Variants in FLVCR2 observed in about 807,000 individuals in gnomAD.
FLVCR2 encodes the protein choline/ethanolamine transporter FLVCR2.
In FLVCR2, 38 loss-of-function variants were observed where a neutral mutation model predicts 48.9. The ratio of observed to expected loss-of-function variants is 0.78; its 90% CI spans 0.60 to 1.02. The LOEUF (loss-of-function observed/expected upper bound fraction) is 1.02, where lower values mean the gene tolerates loss of function less well. Ranked by LOEUF, FLVCR2 falls within the 50% of genes least tolerant of loss-of-function variation. FLVCR2 has a pLI of 0.00. For missense variants in FLVCR2, 664 were observed against 663.3 expected (o/e 1.00, Z -0.01); for synonymous variants, 255 against 257.0 (o/e 0.99, Z 0.07).
intron 8 of FLVCR2, 137 bp downstream of exon 8, chr14:75,641,430 G>A (rs1594817164): frequency 1.4e-6 from 1 of 711,862 alleles, no homozygotes; most frequent in East Asian, 2.7e-5. Flanking sequence ...TTGGGAGGCA[G>A]CACATTGTTT....
chr14:75,591,588 C>G (rs1202336226), intron 1 of FLVCR2, among the ~76,000 whole-genome samples: 1 of 152,224 alleles, frequency 6.6e-6, no homozygotes, highest in Non-Finnish European at 1.5e-5. Flanking sequence ...AGGCTGAGGT[C>G]ACATGCTGCC....
rs1206009259 is a variant in FLVCR2 at position 75,578,910 on chromosome 14, A to G, written c.-63A>G. The G allele has an allele frequency of 6.8e-7, 1 of 1,470,600 alleles. No homozygotes were observed. The highest frequency in any genetic ancestry group is 9.5e-7 in the Non-Finnish European group (1 of 1,050,316). The allele number at this position is 1,470,600 out of a possible 1,614,324, so 91.1% of individuals were successfully genotyped here. ...CAACTCTAAGAGACCAGCAGAGGCC[A>G]CTGTCCCTTAAGACTGCCGGAGTCC... is the stretch of plus-strand genomic sequence containing the variant. On this transcript the variant is annotated 5_prime_UTR_variant, in exon 1 of 10. Transcript: ENST00000238667.
At chr14:75,640,498 G>T (rs1890285259) in intron 6 of FLVCR2, among the ~76,000 whole-genome samples, 1 of 151,964 alleles carries the variant, frequency 6.6e-6, no homozygotes, top group African/African-American at 2.4e-5. Context: ...GTCCTCAGCT[G>T]GTTCCTCTCT....
intron 1 of FLVCR2, among the ~76,000 whole-genome samples, chr14:75,589,502 C>G (rs1161975787): frequency 6.6e-6 from 1 of 152,188 alleles, no homozygotes; most frequent in Non-Finnish European, 1.5e-5. Flanking sequence ...CTCAGTCCAC[C>G]CAGCAGCTCT....
chr14:75,595,793 A>G (rs1050900346), intron 1 of FLVCR2: 5 of 770,856 alleles, frequency 6.5e-6, no homozygotes, highest in Admixed American at 1.8e-5. Flanking sequence ...AGATTACACC[A>G]TTGCAGCACC....
chr14:75,597,770 A>T (rs974850969), intron 1 of FLVCR2, among the ~76,000 whole-genome samples: 2 of 152,096 alleles, frequency 1.3e-5, no homozygotes, highest in African/African-American at 4.8e-5. Context: ...GGGTTTCACC[A>T]TGTCGGCCAG....
rs888800606 is a variant in FLVCR2, at chr14:75,638,457, AAAAAG to A, written c.1125-885_1125-881del. On this transcript the variant is annotated intron_variant, in intron 5 of 9. Coordinates refer to ENST00000238667, the MANE Select transcript of FLVCR2 (RefSeq NM_017791.3). The stretch of plus-strand genomic sequence containing the variant: ...CATCTCAAAAAAAGGACAAAAGAAA[AAAAAG>A]AAAAGAAAAAGCTTTGCTGGGTCTG... Among the ~76,000 whole-genome samples the A allele has an allele frequency of 4.6e-5, 7 of 152,262 alleles. No homozygotes were observed. In the South Asian group the frequency reaches 1.5e-3, roughly 32 times the overall value.
intron 4 of FLVCR2, 98 bp downstream of exon 4, chr14:75,633,794 C>A (rs1438979884): frequency 2.2e-6 from 2 of 923,422 alleles, no homozygotes; most frequent in South Asian, 1.3e-5. Context: ...TCATTCCCCC[C>A]AGTTCTAGGT....
chr14:75,642,741 A>G (rs1232657033), intron 9 of FLVCR2, among the ~76,000 whole-genome samples: 1 of 152,254 alleles, frequency 6.6e-6, no homozygotes, highest in Non-Finnish European at 1.5e-5. Context: ...GCATGTCTGT[A>G]TCCACTTATA....
chr14:75,591,744 G>C (rs1271921716), intron 1 of FLVCR2, among the ~76,000 whole-genome samples: 2 of 151,258 alleles, frequency 1.3e-5, no homozygotes, highest in Non-Finnish European at 2.9e-5. Context: ...GGCTGTCTGT[G>C]GTGGCTCCCC....
At chr14:75,633,568 G>T in intron 3 of FLVCR2, 61 bp from the exon 4 acceptor site, 1 of 1,340,980 alleles carries the variant, frequency 7.5e-7, no homozygotes, top group Non-Finnish European at 1.1e-6. Flanking sequence ...TGGGGGAGAA[G>T]TTAGCAATGG....
At chr14:75,611,859 A>G (rs10131335) in intron 1 of FLVCR2, among the ~76,000 whole-genome samples, 8,513 of 152,298 alleles carry the variant, frequency 0.056, 810 homozygotes, top group African/African-American at 0.2. Context: ...AGCCTTTAGC[A>G]TGCTGTCTAA....
intron 5 of FLVCR2, among the ~76,000 whole-genome samples, chr14:75,636,295 T>C (rs1566796477): frequency 6.6e-6 from 1 of 152,164 alleles, no homozygotes; most frequent in Non-Finnish European, 1.5e-5. Flanking sequence ...AAAGGCCAAT[T>C]GAGACCATCC....
Position 75,605,618 on chromosome 14 carries a change from A to G in FLVCR2, c.670-16461A>G, listed in dbSNP as rs755611577. On this transcript the variant is annotated intron_variant, in intron 1 of 9. Coordinates refer to ENST00000238667, the MANE Select transcript of FLVCR2 (RefSeq NM_017791.3). ...CCATCTGTGTTTGTAGAAGCGTGAGACAGGAGGTGAGGATAGATCTTACTT... is the reference window on the plus strand; with the variant it reads ...CCATCTGTGTTTGTAGAAGCGTGAGGCAGGAGGTGAGGATAGATCTTACTT... 7 of 1,535,964 alleles carry G rather than the reference A, an allele frequency of 4.6e-6. No homozygotes were observed. In the African/African-American group the frequency reaches 9.6e-5, roughly 21 times the overall value.
At chr14:75,584,673 C>G (rs1222126149) in intron 1 of FLVCR2, among the ~76,000 whole-genome samples, 1 of 152,212 alleles carries the variant, frequency 6.6e-6, no homozygotes, top group African/African-American at 2.4e-5. Flanking sequence ...TCTAATGCTT[C>G]CTGGAGGTCT....
intron 9 of FLVCR2, 121 bp downstream of exon 9, chr14:75,642,019 C>T: frequency 1.2e-6 from 1 of 857,420 alleles, no homozygotes; most frequent in Non-Finnish European, 2.0e-6. Flanking sequence ...AGCTGGGAGA[C>T]CAGTTCATCC....
intron 1 of FLVCR2, among the ~76,000 whole-genome samples, chr14:75,601,796 T>A (rs969529877): frequency 9.2e-5 from 14 of 152,220 alleles, no homozygotes; most frequent in African/African-American, 3.4e-4. Context: ...TCCAGATGAA[T>A]GAATAAAATG....
At chr14:75,581,482 T>C (rs77920504) in intron 1 of FLVCR2, among the ~76,000 whole-genome samples, 9,181 of 152,158 alleles carry the variant, frequency 0.06, 591 homozygotes, top group East Asian at 0.23. Flanking sequence ...ATGAAGGTTT[T>C]ACTGAATACC....
intron 9 of FLVCR2, among the ~76,000 whole-genome samples, chr14:75,643,802 C>G (rs934211784): frequency 6.6e-6 from 1 of 152,098 alleles, no homozygotes; most frequent in African/African-American, 2.4e-5. Context: ...GTACACTGGC[C>G]GGGCGCGATG....
Sources: allele counts gnomAD v4.1 joint callset (sites outside exome capture counted in the v4.1 genomes callset), GRCh38; gene constraint gnomAD v4.1.1; transcripts MANE v1.5; gene names NCBI Gene and HGNC (gene_info 2026-07-23, HGNC 2026-07-21).